Variants in NKAIN3 observed in about 807,000 individuals in gnomAD.
NKAIN3 encodes the protein sodium/potassium transporting ATPase interacting 3.
A neutral mutation model predicts 30.2 loss-of-function variants in NKAIN3; 25 were observed. The observed-to-expected ratio is 0.83, with a 90% CI of 0.60 to 1.16. NKAIN3 has a LOEUF of 1.16. Among genes scored for constraint, NKAIN3 ranks in the 50% most tolerant of loss-of-function variants. The pLI is 0.00. For missense variants in NKAIN3, 225 were observed against 254.1 expected (o/e 0.89, Z 0.78); for synonymous variants, 91 against 89.6 (o/e 1.02, Z -0.09).
At chr8:62,737,606 A>G (rs546436097) in intron 3 of NKAIN3, among the ~76,000 whole-genome samples, 1 of 152,212 alleles carries the variant, frequency 6.6e-6, no homozygotes, top group South Asian at 2.1e-4. Flanking sequence ...ATGCTTCAGG[A>G]TCTTGATCAC....
chr8:62,297,113 T>A (rs139382845), intron 1 of NKAIN3, among the ~76,000 whole-genome samples: 30 of 152,060 alleles, frequency 2.0e-4, no homozygotes, highest in African/African-American at 6.7e-4. Flanking sequence ...ATTCTTCACG[T>A]GTCAGCCATA....
At chr8:62,550,376 G>C (rs901700512) in intron 1 of NKAIN3, among the ~76,000 whole-genome samples, 2 of 152,180 alleles carry the variant, frequency 1.3e-5, no homozygotes, top group Non-Finnish European at 2.9e-5. Flanking sequence ...AGTTCTTTTA[G>C]GAACGTAATG....
intron 1 of NKAIN3, among the ~76,000 whole-genome samples, chr8:62,374,260 C>A (rs953981076): frequency 9.2e-5 from 14 of 152,158 alleles, no homozygotes; most frequent in African/African-American, 3.4e-4. Flanking sequence ...GGAGTTAAGT[C>A]ATGTTTAGCT....
intron 4 of NKAIN3, among the ~76,000 whole-genome samples, chr8:62,819,463 T>A (rs1818787692): frequency 6.6e-6 from 1 of 152,070 alleles, no homozygotes; most frequent in South Asian, 2.1e-4. Context: ...ATCATCAACA[T>A]TTTACGTAGC....
chr8:62,405,317 C>T (rs1804027888), intron 1 of NKAIN3, among the ~76,000 whole-genome samples: 1 of 152,210 alleles, frequency 6.6e-6, no homozygotes, highest in Admixed American at 6.5e-5. Flanking sequence ...GAGCCCAGCA[C>T]AGTACCAAGA....
intron 1 of NKAIN3, among the ~76,000 whole-genome samples, chr8:62,526,821 C>A (rs1364288532): frequency 6.6e-6 from 1 of 152,100 alleles, no homozygotes; most frequent in Non-Finnish European, 1.5e-5. Context: ...GTTCTTTCCA[C>A]CCATTTGGTT....
chr8:62,404,984 T>A (rs1363902731), intron 1 of NKAIN3, among the ~76,000 whole-genome samples: 1 of 152,160 alleles, frequency 6.6e-6, no homozygotes, highest in Non-Finnish European at 1.5e-5. Flanking sequence ...TGAATCCTGC[T>A]GCAACCGAGT....
intron 3 of NKAIN3, among the ~76,000 whole-genome samples, chr8:62,638,886 C>T (rs1429550959): frequency 6.6e-6 from 1 of 152,108 alleles, no homozygotes; most frequent in East Asian, 1.9e-4. Flanking sequence ...CTGTGCTCCT[C>T]CCAAAGGCAA....
At chr8:62,313,737 T>TTGC (rs1201204437) in intron 1 of NKAIN3, among the ~76,000 whole-genome samples, 1 of 152,176 alleles carries the variant, frequency 6.6e-6, no homozygotes. Flanking sequence ...AACTGTGTTA[T>TTGC]AAGAATTTCA....
chr8:62,954,716 A>T (rs1341964784), intron 6 of NKAIN3, among the ~76,000 whole-genome samples: 3 of 152,234 alleles, frequency 2.0e-5, no homozygotes, highest in African/African-American at 7.2e-5. Flanking sequence ...AATAGCTATC[A>T]TACACTAACC....
chr8:62,493,502 T>C (rs1807138398), intron 1 of NKAIN3, among the ~76,000 whole-genome samples: 1 of 152,168 alleles, frequency 6.6e-6, no homozygotes, highest in Admixed American at 6.6e-5. Flanking sequence ...GCCTTGGTTA[T>C]TCAGACTTTC....
intron 1 of NKAIN3, among the ~76,000 whole-genome samples, chr8:62,387,976 A>G (rs1446137846): frequency 6.6e-6 from 1 of 152,172 alleles, no homozygotes; most frequent in Non-Finnish European, 1.5e-5. Context: ...ATTTTCAAAC[A>G]TCTTCCCATA....
intron 1 of NKAIN3, among the ~76,000 whole-genome samples, chr8:62,394,602 G>A (rs373349381): frequency 9.1e-4 from 36 of 39,400 alleles, no homozygotes; most frequent in South Asian, 4.2e-3. Context: ...AGTCAAAGGC[G>A]CTCCTCACTT....
chr8:62,350,861 T>C (rs2129591754), intron 1 of NKAIN3, among the ~76,000 whole-genome samples: 1 of 151,754 alleles, frequency 6.6e-6, no homozygotes, highest in South Asian at 2.1e-4. Context: ...GGCTAATTTT[T>C]ATATTTTTAA....
At chr8:62,704,650 G>C (rs1814461049) in intron 3 of NKAIN3, among the ~76,000 whole-genome samples, 4 of 152,260 alleles carry the variant, frequency 2.6e-5, no homozygotes, top group Middle Eastern at 6.8e-3. Context: ...CAGCTGGTCA[G>C]ATATCCCAAA....
rs536139097 is a variant in NKAIN3 at position 62,411,635 on chromosome 8, T to C, written c.54+162508T>C. Among the ~76,000 whole-genome samples, 30 of 152,322 alleles carry C rather than the reference T, an allele frequency of 2.0e-4. No individual in the cohort carries two copies. The East Asian group carries it at 2.3e-3, about 12-fold the overall frequency. On this transcript the variant is annotated intron_variant, in intron 1 of 6. Coordinates refer to ENST00000623646, the MANE Select transcript of NKAIN3 (RefSeq NM_001304533.3). Reference sequence around the variant, plus strand: ...AAACTATCTCTCTTCCCTGATGATATGATTTTATATCTGGAAAACCCTTAA... The same window carrying C: ...AAACTATCTCTCTTCCCTGATGATACGATTTTATATCTGGAAAACCCTTAA...
At chr8:62,463,560 G>A (rs983402907) in intron 1 of NKAIN3, among the ~76,000 whole-genome samples, 4 of 152,096 alleles carry the variant, frequency 2.6e-5, no homozygotes, top group Non-Finnish European at 4.4e-5. Flanking sequence ...ACCAACTATT[G>A]GTGGTTTGTT....
chr8:62,364,084 A>G (rs1457738564), intron 1 of NKAIN3, among the ~76,000 whole-genome samples: 1 of 152,114 alleles, frequency 6.6e-6, no homozygotes, highest in Non-Finnish European at 1.5e-5. Context: ...TTTTTCATGT[A>G]TGCTTTTCTT....
chr8:62,258,760 G>T (rs1812338170), intron 1 of NKAIN3, among the ~76,000 whole-genome samples: 1 of 152,116 alleles, frequency 6.6e-6, no homozygotes. Context: ...ACAATATTGG[G>T]ATGCTTTGGG....
Sources: gnomAD v4.1 joint callset for allele counts (sites outside exome capture counted in the v4.1 genomes callset) on GRCh38, gnomAD v4.1.1 for gene constraint, MANE v1.5 for transcripts, NCBI Gene and HGNC (gene_info 2026-07-23, HGNC 2026-07-21) for gene names.